Variants in MMD observed in about 807,000 individuals in gnomAD.
MMD encodes monocyte to macrophage differentiation associated, also known as monocyte to macrophage differentiation factor.
MMD carries 22 observed loss-of-function variants against 33.6 expected under a neutral mutation model. The ratio of observed to expected loss-of-function variants is 0.66; its 90% confidence interval spans 0.47 to 0.94. The LOEUF (loss-of-function observed/expected upper bound fraction) is 0.94. MMD is among the 40% of genes least tolerant of loss of function. MMD has a pLI of 0.00. For missense variants in MMD, 242 were observed against 309.8 expected, an observed-to-expected ratio of 0.78 and a Z score of 1.64; for synonymous variants, 97 against 103.2, an observed-to-expected ratio of 0.94 and a Z score of 0.36.
chr17:55,399,284 A>C (rs1907238509), intron 6 of MMD, among the ~76,000 whole-genome samples: 1 of 152,136 alleles, frequency 6.6e-6, no homozygotes, highest in Non-Finnish European at 1.5e-5. Context: ...CTAGTTTTAC[A>C]GTTCTTTATG....
At chr17:55,410,000 G>A (rs1458112996) in intron 3 of MMD, among the ~76,000 whole-genome samples, 1 of 152,116 alleles carries the variant, frequency 6.6e-6, no homozygotes, top group East Asian at 1.9e-4. Context: ...TTTAAGCCCA[G>A]GAAACTGTCA....
At chr17:55,404,703 A>T in intron 4 of MMD, 1 of 985,074 alleles carries the variant, frequency 1.0e-6, no homozygotes, top group Non-Finnish European at 1.2e-6. Context: ...GAATTTAACC[A>T]TGGACTGTTG....
In MMD at chr17:55,419,044, G is replaced by A. The variant is rs939444118; in HGVS notation, c.26+2626C>T. On this transcript the variant is annotated intron_variant, in intron 1 of 6. Coordinates refer to ENST00000262065, the MANE Select transcript of MMD (RefSeq NM_012329.3). ...AAGAGGTGAGCTAGCAGCATGACTGGTTGAGAGACAGACATGAAGTTGAAC... is the reference window on the plus strand; with the variant it reads ...AAGAGGTGAGCTAGCAGCATGACTGATTGAGAGACAGACATGAAGTTGAAC... Among the ~76,000 whole-genome samples the A allele has an allele frequency of 2.0e-5, 3 of 152,220 alleles. No homozygotes were observed. The South Asian group carries it at 6.2e-4, about 32-fold the overall frequency.
chr17:55,420,591 A>G (rs962405833), intron 1 of MMD: 1 of 152,196 alleles, frequency 6.6e-6, no homozygotes, highest in Non-Finnish European at 1.5e-5. Flanking sequence ...TGGAAAGAAA[A>G]AAAAAATGTG....
Position 55,398,878 on chromosome 17 carries a change from G to A in MMD, c.516+2591C>T, listed in dbSNP as rs1403189213. Among the ~76,000 whole-genome samples, 3 of 152,274 alleles carry A rather than the reference G, an allele frequency of 2.0e-5. No individual in the cohort carries two copies. In the South Asian group the frequency reaches 6.2e-4, roughly 32 times the overall value. ...TGTCTTTCAGCACTGGGAACTGTCC[G>A]GAATTTCCATTTATCTTCCAGCCTT... On this transcript the variant is annotated intron_variant, in intron 6 of 6. Transcript: ENST00000262065.
chr17:55,403,861 G>C lies in MMD; in HGVS notation c.352C>G (p.Leu118Val). ...GATGCCAGGGGTCCAAGTTCACGAA[G>C]ATTTAACCTAAAAATGTAAACGTGA... ...IAASYAPWLN[L>V]RELGPLASHM... Residue 118 changes from leucine to valine, a missense_variant, in exon 5 of 7, where the codon CTT (leucine) becomes GTT (valine). Physicochemically the swap from Leu to Val is conservative, Grantham distance 32. Coordinates refer to ENST00000262065, the MANE Select transcript of MMD (RefSeq NM_012329.3). 6.2e-7 allele frequency: 1 copy of C among 1,611,906 alleles called. No individual in the cohort carries two copies. The highest frequency in any genetic ancestry group is 8.5e-7 in the Non-Finnish European group (1 of 1,178,606).
In MMD at chr17:55,394,468, A is replaced by G; in HGVS notation, c.583T>C (p.Phe195Leu). 6.5e-7 allele frequency: 1 copy of G among 1,548,784 alleles called. No homozygotes were observed. Among genetic ancestry groups the G allele is most frequent in the Non-Finnish European group, 8.7e-7 (1 of 1,151,900 alleles). Reference sequence around the variant, plus strand: ...AATGGAATGATGCCATCACTCTTGAAGAACACAACTCCCAAGCAATAAATT... The same window carrying G: ...AATGGAATGATGCCATCACTCTTGAGGAACACAACTCCCAAGCAATAAATT... ...GLIYCLGVVF[F>L]KSDGIIPFAH... The change falls in exon 7 of 7, where the codon TTC becomes CTC. Residue 195 changes from phenylalanine (F) to leucine (L), a missense_variant. By Grantham distance (22) the Phe-to-Leu change is conservative (BLOSUM62 0). Coordinates refer to ENST00000262065, the MANE Select transcript of MMD (RefSeq NM_012329.3).
At chr17:55,404,961 C>T (rs144560266) in intron 4 of MMD, among the ~76,000 whole-genome samples, 148 of 152,082 alleles carry the variant, frequency 9.7e-4, no homozygotes, top group African/African-American at 3.4e-3. Flanking sequence ...ACTAGGGAGG[C>T]TGAGGCAGGA....
At chr17:55,407,277 C>T (rs1364462814) in intron 4 of MMD, among the ~76,000 whole-genome samples, 3 of 150,624 alleles carry the variant, frequency 2.0e-5, no homozygotes, top group Non-Finnish European at 3.0e-5. Context: ...TGCAGTGAGC[C>T]GAGATTGTGA....
In MMD at chr17:55,393,981, G is replaced by C. The variant is rs1488496021; in HGVS notation, c.*353C>G. The C allele has an allele frequency of 6.1e-6, 1 of 162,794 alleles. No individual in the cohort carries two copies. The highest frequency in any genetic ancestry group is 1.3e-5 in the Non-Finnish European group (1 of 75,172). The allele number at this position is 162,794 out of a possible 1,614,324, so 10.1% of individuals were successfully genotyped here. Reference sequence around the variant, plus strand: ...AACAATTTTCTTCTTAAAAAGGAAGGTTTGTTATTGCACTGACTTTTACAA... The same window carrying C: ...AACAATTTTCTTCTTAAAAAGGAAGCTTTGTTATTGCACTGACTTTTACAA... On this transcript the variant is annotated 3_prime_UTR_variant, in exon 7 of 7. Coordinates refer to ENST00000262065, the MANE Select transcript of MMD (RefSeq NM_012329.3).
At chr17:55,414,937 T>C (rs2143156861) in intron 1 of MMD, among the ~76,000 whole-genome samples, 2 of 152,314 alleles carry the variant, frequency 1.3e-5, no homozygotes, top group South Asian at 4.1e-4. Context: ...GCTATAAAAT[T>C]CATATATACA....
intron 4 of MMD, 100 bp from the exon 5 acceptor site, chr17:55,403,968 A>G (rs377670267): frequency 2.0e-5 from 19 of 966,500 alleles, no homozygotes; most frequent in East Asian, 1.3e-4. Context: ...GGATAAGAGC[A>G]GGAAGAAAAC....
In MMD at chr17:55,401,557, A is replaced by G. The variant is rs749771147; in HGVS notation, c.447-19T>C. 1.3e-6 allele frequency: 2 copies of G among 1,586,440 alleles called. No homozygotes were observed. Among genetic ancestry groups the G allele is most frequent in the Non-Finnish European group, 1.7e-6 (2 of 1,164,834 alleles). On this transcript the variant is annotated intron_variant, in intron 5 of 6. Coordinates refer to ENST00000262065, the MANE Select transcript of MMD (RefSeq NM_012329.3). ...CTTATATCTGCAGGAACAAAAATGC[A>G]GTTAATTTAACTTATAAATTTCTAT...
intron 3 of MMD, 56 bp from the exon 4 acceptor site, chr17:55,407,876 G>C: frequency 8.1e-7 from 1 of 1,237,404 alleles, no homozygotes; most frequent in Non-Finnish European, 1.1e-6. Flanking sequence ...TGGGAAGTAC[G>C]GGTTATCACT....
intron 1 of MMD, among the ~76,000 whole-genome samples, chr17:55,416,031 A>C (rs1386555307): frequency 6.6e-6 from 1 of 152,238 alleles, no homozygotes; most frequent in Non-Finnish European, 1.5e-5. Context: ...AATGCTTTAA[A>C]AGTGTCCCAA....
At chr17:55,399,138 G>A (rs569564845) in intron 6 of MMD, among the ~76,000 whole-genome samples, 4 of 152,158 alleles carry the variant, frequency 2.6e-5, no homozygotes, top group African/African-American at 4.8e-5. Flanking sequence ...TCCTTTTGTT[G>A]CTGTTTGGAA....
At chr17:55,411,125 G>T in intron 3 of MMD, 132 bp downstream of exon 3, 1 of 996,956 alleles carries the variant, frequency 1.0e-6, no homozygotes, top group Non-Finnish European at 1.4e-6. Flanking sequence ...TAATGGGATA[G>T]TATTCTAGTC....
intron 6 of MMD, among the ~76,000 whole-genome samples, chr17:55,399,979 G>C (rs1907262765): frequency 2.6e-5 from 4 of 151,988 alleles, no homozygotes. Flanking sequence ...TATTGCTTGG[G>C]GTGTCCTGAA....
At chr17:55,401,746 G>A (rs1310311892) in intron 5 of MMD, among the ~76,000 whole-genome samples, 1 of 152,162 alleles carries the variant, frequency 6.6e-6, no homozygotes, top group African/African-American at 2.4e-5. Context: ...TCTCAGGGTT[G>A]AAAAGGCATC....
Sources: allele counts gnomAD v4.1 joint callset (sites outside exome capture counted in the v4.1 genomes callset), GRCh38; gene constraint gnomAD v4.1.1; transcripts MANE v1.5; gene names NCBI Gene and HGNC (gene_info 2026-07-23, HGNC 2026-07-21).